Variants in UBR1 observed in about 807,000 individuals in gnomAD.
UBR1 encodes the protein E3 ubiquitin-protein ligase UBR1.
In UBR1, 102 loss-of-function variants were observed where a neutral mutation model predicts 242.1. The ratio of observed to expected loss-of-function variants is 0.42; its 90% confidence interval spans 0.36 to 0.50. The LOEUF is 0.50. Ranked by LOEUF, UBR1 falls within the 20% of genes least tolerant of loss-of-function variation. The probability of loss-of-function intolerance (pLI) is 0.01; values close to 1 mark genes in which losing one functional copy is unlikely to be tolerated. For synonymous variants in UBR1, 675 were observed against 684.8 expected (o/e 0.99, Z 0.22); for missense variants, 1,772 against 2,101.8 (o/e 0.84, Z 3.07).
chr15:43,076,147 GTTTTT>G, intron 3 of UBR1, among the ~76,000 whole-genome samples: 1 of 130,160 alleles, frequency 7.7e-6, no homozygotes, highest in Non-Finnish European at 1.6e-5. Flanking sequence ...ACTGGTTTTC[GTTTTT>G]TTTTTTTTTG....
intron 15 of UBR1, among the ~76,000 whole-genome samples, chr15:43,041,012 A>G (rs2033410957): frequency 6.6e-6 from 1 of 152,232 alleles, no homozygotes; most frequent in Non-Finnish European, 1.5e-5. Context: ...AAACTGGTTC[A>G]ACCATTGTGG....
intron 3 of UBR1, among the ~76,000 whole-genome samples, chr15:43,078,502 T>G (rs1196506868): frequency 1.3e-5 from 2 of 152,054 alleles, no homozygotes; most frequent in African/African-American, 4.8e-5. Context: ...CAGCCCATAT[T>G]CACATAAACA....
intron 31 of UBR1, chr15:43,003,499 T>C: frequency 2.9e-6 from 1 of 349,782 alleles, no homozygotes; most frequent in South Asian, 2.3e-5. Flanking sequence ...CAGGTGATCC[T>C]CCTGCCTCGG....
rs1337625465 is a variant in UBR1, at chr15:43,030,059, T to C, written c.2264A>G (p.Tyr755Cys). The change falls in exon 21 of 47, where the codon TAT becomes TGT. Residue 755 changes from tyrosine to cysteine, a missense_variant. Transcript: ENST00000290650. ...GGTCACATTTCCCACTCCAGGTACA[T>C]AACGCTCACCTAGTTCAAATAATTA... ...QVLIYIVGER[Y>C]VPGVGNVTKE... 1.2e-6 allele frequency: 2 copies of C among 1,613,908 alleles called. No individual in the cohort carries two copies. The highest frequency in any genetic ancestry group is 1.7e-6 in the Non-Finnish European group (2 of 1,179,944).
chr15:43,092,854 G>A (rs765884527), intron 1 of UBR1, among the ~76,000 whole-genome samples: 1 of 152,088 alleles, frequency 6.6e-6, no homozygotes, highest in African/African-American at 2.4e-5. Context: ...GCCCAGCCTA[G>A]AATTTTTATG....
chr15:43,027,784 G>A lies in UBR1; in HGVS notation c.2424C>T (p.Ala808=), dbSNP rs767373810. The change falls in exon 22 of 47, where the codon GCC becomes GCT. Residue 808 remains alanine, a synonymous_variant. Transcript: ENST00000290650. ...AAATATTAAGCACTTACTTAAATGT[G>A]GCCACTTTGTTTATGACATTCTCTA... is the stretch of plus-strand genomic sequence containing the variant. ...TGLENVINKV[A]TFKKPGVSGH... The A allele has an allele frequency of 1.9e-6, 3 of 1,612,380 alleles. No homozygotes were observed. Among genetic ancestry groups the A allele is most frequent in the South Asian group, 1.1e-5 (1 of 91,052 alleles).
intron 3 of UBR1, among the ~76,000 whole-genome samples, chr15:43,076,267 C>G (rs1247643183): frequency 1.3e-5 from 2 of 152,070 alleles, no homozygotes; most frequent in Non-Finnish European, 2.9e-5. Context: ...CAGACGGAGT[C>G]TCGTTCACTC....
chr15:42,969,793 G>A (rs1032606799), intron 40 of UBR1, among the ~76,000 whole-genome samples: 5 of 152,180 alleles, frequency 3.3e-5, no homozygotes, highest in Admixed American at 3.3e-4. Context: ...AAAGGGATGT[G>A]AAGGACTTCT....
intron 1 of UBR1, chr15:43,092,185 C>T: frequency 3.3e-6 from 1 of 304,842 alleles, no homozygotes; most frequent in East Asian, 1.0e-4. Flanking sequence ...GCTCTCTGTC[C>T]CTCCACCCCC....
At chr15:42,990,963 C>CTT (rs778351226) in intron 33 of UBR1, among the ~76,000 whole-genome samples, 10 of 144,090 alleles carry the variant, frequency 6.9e-5, no homozygotes, top group East Asian at 4.0e-4. Context: ...GATTTTTAAT[C>CTT]TTTTTTTTTT....
At chr15:43,004,792 A>G (rs180695599) in intron 30 of UBR1, among the ~76,000 whole-genome samples, 1 of 152,050 alleles carries the variant, frequency 6.6e-6, no homozygotes, top group Admixed American at 6.5e-5. Flanking sequence ...GCCTCTGCCC[A>G]GCCGCCACCC....
chr15:43,047,744 C>T (rs1367954309), intron 13 of UBR1, among the ~76,000 whole-genome samples: 1 of 152,060 alleles, frequency 6.6e-6, no homozygotes, highest in African/African-American at 2.4e-5. Context: ...GGTGAGGGAG[C>T]CAAAAAAATA....
At chr15:43,057,967 T>C (rs1244444471) in intron 10 of UBR1, among the ~76,000 whole-genome samples, 4 of 151,842 alleles carry the variant, frequency 2.6e-5, no homozygotes, top group African/African-American at 9.7e-5. Flanking sequence ...TAGAGGGCAG[T>C]GGCGCGATCT....
chr15:43,046,740 T>C (rs1461394701), intron 14 of UBR1, among the ~76,000 whole-genome samples: 1 of 152,178 alleles, frequency 6.6e-6, no homozygotes, highest in Non-Finnish European at 1.5e-5. Context: ...AAGACGGTTA[T>C]GGTCTAAAAT....
At chr15:43,075,972 TC>T (rs2033884966) in intron 3 of UBR1, among the ~76,000 whole-genome samples, 1 of 151,938 alleles carries the variant, frequency 6.6e-6, no homozygotes, top group Admixed American at 6.6e-5. Flanking sequence ...TCCCTCTCCC[TC>T]TCCCTCTCCC....
intron 6 of UBR1, among the ~76,000 whole-genome samples, chr15:43,062,676 AT>A (rs1303092744): frequency 6.6e-6 from 1 of 152,174 alleles, no homozygotes; most frequent in Non-Finnish European, 1.5e-5. Flanking sequence ...CAGCGGTGTG[AT>A]CAAAGCTCAC....
Position 43,050,410 on chromosome 15 carries a change from G to GA in UBR1, c.1440-1920dup, listed in dbSNP as rs1475123293. 2.0e-5 allele frequency among the ~76,000 whole-genome samples: 3 copies of GA among 152,062 alleles called. No homozygotes were observed. The South Asian group carries it at 6.2e-4, about 32-fold the overall frequency. On this transcript the variant is annotated intron_variant, in intron 12 of 46. Transcript: ENST00000290650. ...GGAAAATAAATAAATTTACAAAAAA[G>GA]AAAAAATGAATAAGTGAGGCCGGGT...
intron 1 of UBR1, among the ~76,000 whole-genome samples, chr15:43,105,162 G>A (rs111543595): frequency 6.6e-6 from 1 of 152,202 alleles, no homozygotes; most frequent in Non-Finnish European, 1.5e-5. Context: ...TGCGGTGACA[G>A]ATATTTGAAT....
chr15:42,996,253 C>T (rs1159365616), intron 33 of UBR1, among the ~76,000 whole-genome samples: 3 of 152,050 alleles, frequency 2.0e-5, no homozygotes, highest in Non-Finnish European at 4.4e-5. Context: ...TTCTTAACTG[C>T]GTAACATGCA....
Sources: allele counts gnomAD v4.1 joint callset (sites outside exome capture counted in the v4.1 genomes callset), GRCh38; gene constraint gnomAD v4.1.1; transcripts MANE v1.5; gene names NCBI Gene and HGNC (gene_info 2026-07-23, HGNC 2026-07-21).